The following ADAMTSL5 variants were observed in gnomAD, a reference collection of about 807,000 sequenced individuals.
ADAMTSL5 encodes the protein ADAMTS-like protein 5.
In ADAMTSL5, 53 loss-of-function variants were observed where a neutral mutation model predicts 51.7. That is an observed-to-expected ratio of 1.03 (90% CI 0.82 to 1.29). The LOEUF is 1.29. ADAMTSL5 is among the 50% of genes most tolerant of loss of function. The pLI is 0.00. For missense variants in ADAMTSL5, 770 were observed against 676.2 expected (o/e 1.14, Z -1.54); for synonymous variants, 285 against 278.7 (o/e 1.02, Z -0.23).
rs2656888 is a variant in ADAMTSL5 at position 1,508,158 on chromosome 19, G to T, written c.490-49C>A. 1.8e-3 allele frequency: 2,735 copies of T among 1,534,690 alleles called. 42 individuals carry two copies. The African/African-American group carries it at 0.041, about 23-fold the overall frequency. On this transcript the variant is annotated intron_variant, in intron 6 of 11. Coordinates refer to ENST00000330475, the MANE Select transcript of ADAMTSL5 (RefSeq NM_213604.3). The stretch of plus-strand genomic sequence containing the variant: ...GCGTCACTGACGCTGGGAGGGGCAG[G>T]ACCTGGGGAAAGGGCAGTGCCTGGG...
chr19:1,508,273 A>T, intron 6 of ADAMTSL5, 164 bp from the exon 7 acceptor site: 1 of 539,936 alleles, frequency 1.9e-6, no homozygotes, highest in Non-Finnish European at 2.2e-6. Flanking sequence ...GGCGCCCGGG[A>T]GTGGGTGCCT....
At position 1,505,898 on chromosome 19, in the gene ADAMTSL5, C is replaced by A. The variant is rs1912890866; in HGVS notation, c.*117G>T. 3 of 1,288,016 alleles carry A rather than the reference C, an allele frequency of 2.3e-6. No homozygotes were observed. Among genetic ancestry groups the A allele is most frequent in the Non-Finnish European group, 3.1e-6 (3 of 969,522 alleles). The allele number at this position is 1,288,016 out of a possible 1,614,324, so 79.8% of individuals were successfully genotyped here. On this transcript the variant is annotated 3_prime_UTR_variant, in exon 12 of 12. Coordinates refer to ENST00000330475, the MANE Select transcript of ADAMTSL5 (RefSeq NM_213604.3). Reference sequence around the variant, plus strand: ...TGTGGGAGGGAGTCACATAGCTGCACAGGTGGGACGTATTTCAGAGCTGCC... The same window carrying A: ...TGTGGGAGGGAGTCACATAGCTGCAAAGGTGGGACGTATTTCAGAGCTGCC...
In ADAMTSL5 at chr19:1,506,342, C is replaced by T. The variant is rs779952249; in HGVS notation, c.1115-26G>A. On this transcript the variant is annotated intron_variant, in intron 11 of 11. Transcript: ENST00000330475. The surrounding 1 kb of genome is among the most constrained non-coding windows in gnomAD (Gnocchi z 5.6). ...CTGTTGAGGGGACGTGCTAAGCTGG[C>T]TGGCTGCTCAACTCTGCGCAAATCT... 3.9e-6 allele frequency: 6 copies of T among 1,539,606 alleles called. No homozygotes were observed. Among genetic ancestry groups the T allele is most frequent in the Admixed American group, 2.0e-5 (1 of 51,230 alleles).
Position 1,508,475 on chromosome 19 carries a change from C to A in ADAMTSL5, c.457G>T (p.Ala153Ser). The A allele has an allele frequency of 1.3e-6, 2 of 1,580,732 alleles. No individual in the cohort carries two copies. The highest frequency in any genetic ancestry group is 1.7e-6 in the Non-Finnish European group (2 of 1,170,184). Residue 153 changes from alanine (A) to serine (S), a missense_variant, in exon 6 of 12, where the codon GCC becomes TCC. Ala to Ser is a moderately conservative substitution (Grantham distance 99, BLOSUM62 1). Coordinates refer to ENST00000330475, the MANE Select transcript of ADAMTSL5 (RefSeq NM_213604.3). Reference protein sequence around the residue: ...VLDGTACSPGAQGVCVAGRCL... With the variant: ...VLDGTACSPGSQGVCVAGRCL... The stretch of plus-strand genomic sequence containing the variant: ...CGGCCAGCCACGCAGACCCCCTGGG[C>A]ACCCGGGCTGCAGGCGGTGCCGTCC...
Position 1,507,440 on chromosome 19 carries a change from G to A in ADAMTSL5, c.689-35C>T, listed in dbSNP as rs376064944. 1.1e-5 allele frequency: 17 copies of A among 1,595,740 alleles called. 1 individual carries two copies. The highest frequency in any genetic ancestry group is 1.0e-4 in the Admixed American group (6 of 58,682). ...AACAGTCAGCCCTCAGGAACCTGTCGTCTCGTCTCCCAGACCCTGGGGTCC... is the reference window on the plus strand; with the variant it reads ...AACAGTCAGCCCTCAGGAACCTGTCATCTCGTCTCCCAGACCCTGGGGTCC... On this transcript the variant is annotated intron_variant, in intron 8 of 11. Coordinates refer to ENST00000330475, the MANE Select transcript of ADAMTSL5 (RefSeq NM_213604.3).
chr19:1,509,997 A>G (rs1913172981), intron 5 of ADAMTSL5, among the ~76,000 whole-genome samples, 153 bp downstream of exon 5: 2 of 152,264 alleles, frequency 1.3e-5, no homozygotes, highest in East Asian at 3.9e-4. Flanking sequence ...CACGCCTAAC[A>G]TATGCTGTTT....
In ADAMTSL5 at chr19:1,505,797, T is replaced by C. The variant is rs899806730; in HGVS notation, c.*218A>G. 1.2e-5 allele frequency: 6 copies of C among 501,272 alleles called. No individual in the cohort carries two copies. Among genetic ancestry groups the C allele is most frequent in the Non-Finnish European group, 1.7e-5 (5 of 298,506 alleles). 31.1% of individuals were successfully genotyped at this position (501,272 alleles called of 1,614,324 possible). On this transcript the variant is annotated 3_prime_UTR_variant, in exon 12 of 12. Coordinates refer to ENST00000330475, the MANE Select transcript of ADAMTSL5 (RefSeq NM_213604.3). ...GAGAGGCGAAATAAAAGTCAGAGTC[T>C]CCTTAGTGCCTCCTCACCAGTGCCT...
Position 1,506,586 on chromosome 19 carries a change from T to C in ADAMTSL5, c.1114+4A>G. The C allele has an allele frequency of 1.9e-6, 3 of 1,607,892 alleles. No individual in the cohort carries two copies. The highest frequency in any genetic ancestry group is 2.5e-6 in the Non-Finnish European group (3 of 1,177,780). On this transcript the variant is annotated splice_donor_region_variant and intron_variant, in intron 11 of 11. Coordinates refer to ENST00000330475, the MANE Select transcript of ADAMTSL5 (RefSeq NM_213604.3). The surrounding 1 kb of genome is among the most constrained non-coding windows in gnomAD (Gnocchi z 5.6). ...TAAGTCAGGGTAGAGGTCGGGGGTCTCACCAAAGTCACTGCCGCAATAGTG... is the reference window on the plus strand; with the variant it reads ...TAAGTCAGGGTAGAGGTCGGGGGTCCCACCAAAGTCACTGCCGCAATAGTG...
In ADAMTSL5 at chr19:1,506,287, G is replaced by C. The variant is rs762124959; in HGVS notation, c.1144C>G (p.His382Asp). 13 of 1,551,402 alleles carry C rather than the reference G, an allele frequency of 8.4e-6. No homozygotes were observed. The Middle Eastern group carries it at 5.2e-4, about 62-fold the overall frequency. Residue 382 changes from histidine (H) to aspartate (D), a missense_variant, in exon 12 of 12, where the codon CAC becomes GAC. Transcript: ENST00000330475. The surrounding 1 kb of genome is among the most constrained non-coding windows in gnomAD (Gnocchi z 5.6). Reference sequence around the variant, plus strand: ...TCATAGCGGGTCTCCTGGGCCTGGTGGTGGTGGCCCAGCACTCGGGCCTGG... The same window carrying C: ...TCATAGCGGGTCTCCTGGGCCTGGTCGTGGTGGCCCAGCACTCGGGCCTGG... ...VFQARVLGHH[H>D]QAQETRYEVR...
chr19:1,508,315 A>T, intron 6 of ADAMTSL5, 128 bp downstream of exon 6: 1 of 519,962 alleles, frequency 1.9e-6, no homozygotes, highest in Non-Finnish European at 2.2e-6. Context: ...CTGGAAGGGG[A>T]GGGGGAAGGC....
intron 7 of ADAMTSL5, 42 bp downstream of exon 7, chr19:1,507,956 C>T: frequency 1.3e-6 from 2 of 1,535,862 alleles, no homozygotes; most frequent in Non-Finnish European, 1.8e-6. Flanking sequence ...GTTAAAGGGC[C>T]CACTCTGACG....
In ADAMTSL5 at chr19:1,505,974, G is replaced by T; in HGVS notation, c.*41C>A. 1.3e-6 allele frequency: 2 copies of T among 1,485,224 alleles called. No homozygotes were observed. Among genetic ancestry groups the T allele is most frequent in the Non-Finnish European group, 1.8e-6 (2 of 1,124,078 alleles). 92.0% of individuals were successfully genotyped at this position (1,485,224 alleles called of 1,614,324 possible). On this transcript the variant is annotated 3_prime_UTR_variant, in exon 12 of 12. Transcript: ENST00000330475. Reference sequence around the variant, plus strand: ...ACGTTGACGTTGAGGCTGGTCAGATGTATCTTTCTTGCTGTGTGTGGCCGG... The same window carrying T: ...ACGTTGACGTTGAGGCTGGTCAGATTTATCTTTCTTGCTGTGTGTGGCCGG...
In ADAMTSL5 at chr19:1,505,807, C is replaced by T. The variant is rs908162811; in HGVS notation, c.*208G>A. 6.9e-6 allele frequency: 4 copies of T among 575,982 alleles called. No homozygotes were observed. Among genetic ancestry groups the T allele is most frequent in the South Asian group, 3.0e-5 (1 of 33,534 alleles). The allele number at this position is 575,982 out of a possible 1,614,324, so 35.7% of individuals were successfully genotyped here. Reference sequence around the variant, plus strand: ...ATAAAAGTCAGAGTCTCCTTAGTGCCTCCTCACCAGTGCCTGCCGGCTTGT... The same window carrying T: ...ATAAAAGTCAGAGTCTCCTTAGTGCTTCCTCACCAGTGCCTGCCGGCTTGT... On this transcript the variant is annotated 3_prime_UTR_variant, in exon 12 of 12. Transcript: ENST00000330475.
At position 1,506,749 on chromosome 19, in the gene ADAMTSL5, C is replaced by T. The variant is rs767406922; in HGVS notation, c.1032G>A (p.Thr344=). The T allele has an allele frequency of 1.7e-5, 26 of 1,554,986 alleles. No individual in the cohort carries two copies. Among genetic ancestry groups the T allele is most frequent in the South Asian group, 1.1e-4 (9 of 84,534 alleles). The change falls in exon 10 of 12, where the codon ACG becomes ACA. Residue 344 remains threonine (T), a synonymous_variant. Coordinates refer to ENST00000330475, the MANE Select transcript of ADAMTSL5 (RefSeq NM_213604.3). The surrounding 1 kb of genome is among the most constrained non-coding windows in gnomAD (Gnocchi z 5.6). ...CTGTCCCCACCTCACCTGGGGCCAGCGTTGGGGTCTGTGCAGGGGTGACAG... is the reference window on the plus strand; with the variant it reads ...CTGTCCCCACCTCACCTGGGGCCAGTGTTGGGGTCTGTGCAGGGGTGACAG... ...APAVTPAQTP[T]LAPDPCPPCP... is the part of the protein sequence containing the mutation.
intron 9 of ADAMTSL5, 137 bp downstream of exon 9, chr19:1,507,105 C>A: frequency 9.3e-7 from 1 of 1,073,820 alleles, no homozygotes; most frequent in Non-Finnish European, 1.3e-6. Flanking sequence ...CCCTCTGATG[C>A]TCTGTCCCAG....
At chr19:1,507,709 T>A in intron 7 of ADAMTSL5, 66 bp from the exon 8 acceptor site, 1 of 1,495,868 alleles carries the variant, frequency 6.7e-7, no homozygotes, top group Non-Finnish European at 9.3e-7. Context: ...GACTTGAGGA[T>A]TTAATGAGCT....
rs1382857263 is a variant in ADAMTSL5 at position 1,505,406 on chromosome 19, G to C, written c.*609C>G. ...AAGGAGGAGCAAGCACGTGTTGATG[G>C]GTGGAAATCCAGCCAGAAATGCTGA... is the stretch of plus-strand genomic sequence containing the variant. On this transcript the variant is annotated 3_prime_UTR_variant, in exon 12 of 12. Coordinates refer to ENST00000330475, the MANE Select transcript of ADAMTSL5 (RefSeq NM_213604.3). 6.6e-6 allele frequency: 1 copy of C among 152,118 alleles called. No homozygotes were observed. Among genetic ancestry groups the C allele is most frequent in the Non-Finnish European group, 1.5e-5 (1 of 68,072 alleles). The allele number at this position is 152,118 out of a possible 1,614,324, so 9.4% of individuals were successfully genotyped here.
intron 5 of ADAMTSL5, among the ~76,000 whole-genome samples, chr19:1,509,229 T>G (rs1306145720): frequency 8.9e-6 from 1 of 111,902 alleles, no homozygotes; most frequent in African/African-American, 3.5e-5. Context: ...CACTCCAGCC[T>G]GGGTGACAGA....
Position 1,505,465 on chromosome 19 carries a change from C to A in ADAMTSL5, c.*550G>T, listed in dbSNP as rs1912869487. ...AGATTGTCTCCGAGTTTCCTGGTAG[C>A]CAGGGGAAAAGGGGAAATTGGTACG... On this transcript the variant is annotated 3_prime_UTR_variant, in exon 12 of 12. Coordinates refer to ENST00000330475, the MANE Select transcript of ADAMTSL5 (RefSeq NM_213604.3). The A allele has an allele frequency of 6.6e-6, 1 of 151,996 alleles. No homozygotes were observed. The highest frequency in any genetic ancestry group is 2.1e-4 in the South Asian group (1 of 4,804). 9.4% of individuals were successfully genotyped at this position (151,996 alleles called of 1,614,324 possible).
Sources: gnomAD v4.1 joint callset for allele counts (sites outside exome capture counted in the v4.1 genomes callset) on GRCh38, gnomAD v4.1.1 for gene constraint, Gnocchi (gnomAD v3.1) non-coding constraint, MANE v1.5 for transcripts, NCBI Gene and HGNC (gene_info 2026-07-23, HGNC 2026-07-21) for gene names.